The following PMF1 variants were observed in gnomAD, a reference collection of about 807,000 sequenced individuals.
PMF1 encodes the protein polyamine modulated factor 1.
A neutral mutation model predicts 26.7 loss-of-function variants in PMF1; 21 were observed. The observed-to-expected ratio is 0.79, with a 90% CI of 0.56 to 1.13. The LOEUF (loss-of-function observed/expected upper bound fraction) is 1.13. Among genes scored for constraint, PMF1 ranks in the 50% most tolerant of loss-of-function variants. The pLI is 0.00. For synonymous variants in PMF1, 105 were observed against 101.0 expected (o/e 1.04, Z -0.24); for missense variants, 266 against 254.9 (o/e 1.04, Z -0.30).
chr1:156,220,034 G>A (rs946243822), intron 1 of PMF1, among the ~76,000 whole-genome samples: 3 of 149,412 alleles, frequency 2.0e-5, no homozygotes, highest in South Asian at 4.2e-4. Context: ...CGCTGTCTCC[G>A]CTCACTGCAA....
chr1:156,233,786 T>A lies in PMF1; in HGVS notation c.368+58T>A, dbSNP rs1658853733. 3 of 1,537,966 alleles carry A rather than the reference T, an allele frequency of 2.0e-6. No homozygotes were observed. In the African/African-American group the frequency reaches 4.2e-5, roughly 22 times the overall value. On this transcript the variant is annotated intron_variant, in intron 3 of 4. Coordinates refer to ENST00000368277, the MANE Select transcript of PMF1 (RefSeq NM_007221.4). ...GGAAAGAGGCAGCAATTAAGCTTTT[T>A]TTTTTTTTTTCTAGAGTCAGGGTCT...
In PMF1 at chr1:156,239,560, G is replaced by A. The variant is rs747282929; in HGVS notation, c.577G>A (p.Glu193Lys). The A allele has an allele frequency of 3.7e-6, 6 of 1,613,130 alleles. No homozygotes were observed. Among genetic ancestry groups the A allele is most frequent in the Non-Finnish European group, 4.2e-6 (5 of 1,179,894 alleles). ...CCATTGATTTCAGGCTCTACACAGA[G>A]AACAGAGGGAGCTGGTTGCTGTGCT... ...QQQAWQALHR[E>K]QRELVAVLRE... The change falls in exon 5 of 5, where the codon GAA becomes AAA. Residue 193 changes from glutamate (E) to lysine (K), a missense_variant. Physicochemically the swap from Glu to Lys is moderately conservative, Grantham distance 56 (BLOSUM62 1). Coordinates refer to ENST00000368277, the MANE Select transcript of PMF1 (RefSeq NM_007221.4).
chr1:156,227,508 T>A (rs1322903484), intron 1 of PMF1, among the ~76,000 whole-genome samples: 3 of 146,866 alleles, frequency 2.0e-5, no homozygotes, highest in African/African-American at 8.1e-5. Flanking sequence ...TATTTTATTT[T>A]TTTTTTGAGA....
intron 1 of PMF1, among the ~76,000 whole-genome samples, chr1:156,218,580 G>C (rs770707706): frequency 6.6e-6 from 1 of 152,124 alleles, no homozygotes; most frequent in Non-Finnish European, 1.5e-5. Context: ...AAGAGATTGA[G>C]ACCATCTTGG....
intron 1 of PMF1, chr1:156,225,646 G>A: frequency 1.3e-6 from 2 of 1,560,956 alleles, no homozygotes. Context: ...TGGGCGGCGT[G>A]CAGGTTACCA....
chr1:156,222,098 G>A (rs1305570663), intron 1 of PMF1, among the ~76,000 whole-genome samples: 1 of 152,162 alleles, frequency 6.6e-6, no homozygotes, highest in African/African-American at 2.4e-5. Flanking sequence ...ATGAATGCAA[G>A]CTCCTTAGCA....
intron 1 of PMF1, among the ~76,000 whole-genome samples, chr1:156,215,813 C>T (rs1210003117): frequency 6.6e-6 from 1 of 152,034 alleles, no homozygotes; most frequent in Non-Finnish European, 1.5e-5. Context: ...CTCAGCCTCC[C>T]GAGTGGCTGG....
intron 1 of PMF1, among the ~76,000 whole-genome samples, chr1:156,218,553 G>A (rs567003071): frequency 3.3e-5 from 5 of 152,160 alleles, no homozygotes; most frequent in South Asian, 2.1e-4. Flanking sequence ...AGGCTGAGGC[G>A]GGCAGATCAC....
chr1:156,232,778 C>T (rs1658790281), intron 2 of PMF1, among the ~76,000 whole-genome samples: 1 of 151,878 alleles, frequency 6.6e-6, no homozygotes, highest in African/African-American at 2.4e-5. Flanking sequence ...TCCCTGCAGC[C>T]TCAAACTCTG....
chr1:156,232,116 G>A (rs1658742753), intron 1 of PMF1, among the ~76,000 whole-genome samples: 2 of 152,244 alleles, frequency 1.3e-5, no homozygotes, highest in African/African-American at 4.8e-5. Flanking sequence ...AAGAAGGAGT[G>A]AGGATGCTGA....
chr1:156,217,025 T>C (rs1156646215), intron 1 of PMF1, among the ~76,000 whole-genome samples: 13 of 151,784 alleles, frequency 8.6e-5, no homozygotes, highest in African/African-American at 1.9e-4. Flanking sequence ...TAGGTGGGAA[T>C]TGAACAATGA....
chr1:156,213,137 T>A lies in PMF1; in HGVS notation c.122T>A (p.Met41Lys), dbSNP rs1345305369. 6.2e-7 allele frequency: 1 copy of A among 1,614,024 alleles called. No homozygotes were observed. Among genetic ancestry groups the A allele is most frequent in the Non-Finnish European group, 8.5e-7 (1 of 1,179,972 alleles). Residue 41 changes from methionine (M) to lysine (K), a missense_variant, in exon 1 of 5, where the codon ATG becomes AAG. By Grantham distance (95) the Met-to-Lys change is moderately conservative. Coordinates refer to ENST00000368277, the MANE Select transcript of PMF1 (RefSeq NM_007221.4). Reference sequence around the variant, plus strand: ...TCGAGGGTGAAGCTCCTCGACACCATGGTGGACACTTTTCTTCAGAAGCTG... The same window carrying A: ...TCGAGGGTGAAGCTCCTCGACACCAAGGTGGACACTTTTCTTCAGAAGCTG... ...TISRVKLLDT[M>K]VDTFLQKLVA... is the part of the protein sequence containing the mutation.
chr1:156,232,293 C>T, intron 1 of PMF1, 27 bp from the exon 2 acceptor site: 2 of 1,611,342 alleles, frequency 1.2e-6, no homozygotes, highest in African/African-American at 2.7e-5. Flanking sequence ...TGGCCCTCCC[C>T]ACCTTTGCTT....
intron 1 of PMF1, among the ~76,000 whole-genome samples, chr1:156,224,137 A>G (rs909363509): frequency 6.6e-6 from 1 of 152,206 alleles, no homozygotes; most frequent in African/African-American, 2.4e-5. Context: ...AGACCAAATA[A>G]CCTAAAGATA....
intron 1 of PMF1, among the ~76,000 whole-genome samples, chr1:156,226,694 A>G (rs991010216): frequency 6.6e-6 from 1 of 152,210 alleles, no homozygotes; most frequent in Non-Finnish European, 1.5e-5. Context: ...TGAGGCCTAG[A>G]TAGTTATTAT....
chr1:156,225,282 CT>C (rs58481427), intron 1 of PMF1, among the ~76,000 whole-genome samples: 5,466 of 71,602 alleles, frequency 0.076, 149 homozygotes, highest in East Asian at 0.16. Context: ...CAGTCCTCAG[CT>C]TTTTTTTTTT....
At chr1:156,234,329 G>C (rs2103124452) in intron 3 of PMF1, among the ~76,000 whole-genome samples, 1 of 152,092 alleles carries the variant, frequency 6.6e-6, no homozygotes, top group Non-Finnish European at 1.5e-5. Flanking sequence ...GCTCATTTTA[G>C]GGTCTGTTGG....
At chr1:156,236,020 T>C (rs1658987617) in intron 3 of PMF1, among the ~76,000 whole-genome samples, 1 of 151,856 alleles carries the variant, frequency 6.6e-6, no homozygotes, top group Non-Finnish European at 1.5e-5. Context: ...AGGAGGGGAA[T>C]GTGGGGTATG....
intron 1 of PMF1, among the ~76,000 whole-genome samples, chr1:156,230,658 G>A (rs954482876): frequency 2.6e-5 from 4 of 152,218 alleles, no homozygotes; most frequent in Non-Finnish European, 4.4e-5. Flanking sequence ...GAGTTTGTCT[G>A]TCCAAGAGGA....
Sources: gnomAD v4.1 joint callset for allele counts (sites outside exome capture counted in the v4.1 genomes callset) on GRCh38, gnomAD v4.1.1 for gene constraint, MANE v1.5 for transcripts, NCBI Gene and HGNC (gene_info 2026-07-23, HGNC 2026-07-21) for gene names.